Variants in ERC1 observed in about 807,000 individuals in gnomAD.
ERC1 encodes the protein RAB6 interacting protein 2.
In ERC1, 56 loss-of-function variants were observed where a neutral mutation model predicts 132.0. That is an observed-to-expected ratio of 0.42 (90% CI 0.34 to 0.53). The LOEUF (loss-of-function observed/expected upper bound fraction) is 0.53. Ranked by LOEUF, ERC1 falls within the 20% of genes least tolerant of loss-of-function variation. The pLI, the probability that ERC1 is intolerant of heterozygous loss-of-function variation, is 0.03. For missense variants in ERC1, 1,202 were observed against 1,349.9 expected, an observed-to-expected ratio of 0.89 and a Z score of 1.72; for synonymous variants, 478 against 476.1, an observed-to-expected ratio of 1.00 and a Z score of -0.05.
At chr12:1,155,507 G>A (rs1219345649) in intron 8 of ERC1, among the ~76,000 whole-genome samples, 2 of 150,888 alleles carry the variant, frequency 1.3e-5, no homozygotes, top group African/African-American at 2.4e-5. Context: ...ACGGAGTCTC[G>A]CTCTGTCGCC....
chr12:1,049,816 G>A (rs1411456091), intron 2 of ERC1, among the ~76,000 whole-genome samples: 2 of 144,212 alleles, frequency 1.4e-5, no homozygotes, highest in Non-Finnish European at 3.0e-5. Context: ...GCAATGGTAC[G>A]ATCTCAGCTC....
rs887206723 is a variant in ERC1 at position 1,046,837 on chromosome 12, G to A, written c.669+18265G>A. ...GCAGAGGCAGCCTTCTGCCTAGATG[G>A]TGCCACTCCACGGTACATGCTTCAT... On this transcript the variant is annotated intron_variant, in intron 2 of 18. Coordinates refer to ENST00000360905, the MANE Select transcript of ERC1 (RefSeq NM_178040.4). Among the ~76,000 whole-genome samples, 13 of 152,146 alleles carry A rather than the reference G, an allele frequency of 8.5e-5. No individual in the cohort carries two copies. The East Asian group carries it at 2.3e-3, about 27-fold the overall frequency.
At chr12:1,483,668 CTTTTTT>C (rs35596394) in intron 18 of ERC1, among the ~76,000 whole-genome samples, 1 of 55,218 alleles carries the variant, frequency 1.8e-5, no homozygotes, top group Non-Finnish European at 3.6e-5. Flanking sequence ...CCACTGAGAG[CTTTTTT>C]TTTTTTTTTT....
In ERC1 at chr12:1,167,874, A is replaced by G. The variant is rs1177745946; in HGVS notation, c.1738-12666A>G. 2.7e-5 allele frequency among the ~76,000 whole-genome samples: 4 copies of G among 150,802 alleles called. No individual in the cohort carries two copies. The South Asian group carries it at 6.3e-4, about 24-fold the overall frequency. On this transcript the variant is annotated intron_variant, in intron 8 of 18. Transcript: ENST00000360905. The stretch of plus-strand genomic sequence containing the variant: ...CGGGACTACAGGCGCGCGCCACCAC[A>G]CCCTGCTAATTTTTTATTTTTACTG...
chr12:1,424,977 G>T (rs991555004), intron 17 of ERC1, among the ~76,000 whole-genome samples: 1 of 152,162 alleles, frequency 6.6e-6, no homozygotes, highest in African/African-American at 2.4e-5. Context: ...TGTCAGAGTG[G>T]CTTGAGACCT....
chr12:1,336,362 T>C (rs2083312075), intron 15 of ERC1, among the ~76,000 whole-genome samples: 1 of 152,140 alleles, frequency 6.6e-6, no homozygotes, highest in South Asian at 2.1e-4. Context: ...TTGAGATCTT[T>C]CTAACTCTTT....
At chr12:1,081,353 T>TA (rs1942169806) in intron 2 of ERC1, among the ~76,000 whole-genome samples, 1 of 152,254 alleles carries the variant, frequency 6.6e-6, no homozygotes, top group East Asian at 1.9e-4. Flanking sequence ...CCCATGTTGT[T>TA]ACCGTCCCCT....
rs142603229 is a variant in ERC1, at chr12:1,051,501, G to A, written c.669+22929G>A. On this transcript the variant is annotated intron_variant, in intron 2 of 18. Coordinates refer to ENST00000360905, the MANE Select transcript of ERC1 (RefSeq NM_178040.4). Reference sequence around the variant, plus strand: ...GGCGAGGAGTTTGAGACCAGCAAGGGCTACATAGCAAGGCCTCGTCTCTAC... The same window carrying A: ...GGCGAGGAGTTTGAGACCAGCAAGGACTACATAGCAAGGCCTCGTCTCTAC... Among the ~76,000 whole-genome samples, 871 of 148,594 alleles carry A rather than the reference G, an allele frequency of 5.9e-3. 1 individual carries two copies. The highest frequency in any genetic ancestry group is 0.014 in the Middle Eastern group (4 of 284).
At chr12:1,433,072 A>G (rs964605773) in intron 17 of ERC1, among the ~76,000 whole-genome samples, 2 of 152,182 alleles carry the variant, frequency 1.3e-5, no homozygotes, top group African/African-American at 4.8e-5. Flanking sequence ...CATCCAGTGT[A>G]GTACTGTAAG....
At chr12:1,004,401 C>CTTTTTTTTTTTTTTTTTT (rs71055118) in intron 1 of ERC1, among the ~76,000 whole-genome samples, 22 of 95,028 alleles carry the variant, frequency 2.3e-4, no homozygotes, top group South Asian at 3.9e-4. Flanking sequence ...TTTTCTTTCT[C>CTTTTTTTTTTTTTTTTTT]TTTTTTTTTT....
chr12:1,079,042 G>A (rs896630040), intron 2 of ERC1, among the ~76,000 whole-genome samples: 2 of 151,706 alleles, frequency 1.3e-5, no homozygotes, highest in East Asian at 1.9e-4. Context: ...GAAATGATTT[G>A]TAATATGACA....
intron 3 of ERC1, among the ~76,000 whole-genome samples, chr12:1,101,739 G>A (rs930085480): frequency 6.6e-6 from 1 of 152,130 alleles, no homozygotes; most frequent in Non-Finnish European, 1.5e-5. Flanking sequence ...TGCCTGCCAC[G>A]GTGCGAGATA....
At chr12:1,445,375 G>A (rs577748584) in intron 18 of ERC1, among the ~76,000 whole-genome samples, 8 of 151,992 alleles carry the variant, frequency 5.3e-5, no homozygotes, top group Admixed American at 2.6e-4. Flanking sequence ...GACTACAGGC[G>A]CGTGCCAACA....
At chr12:1,440,443 T>C (rs1468349474) in intron 17 of ERC1, among the ~76,000 whole-genome samples, 1 of 150,756 alleles carries the variant, frequency 6.6e-6, no homozygotes, top group Non-Finnish European at 1.5e-5. Context: ...CCTGACCTCG[T>C]GATCTGCCCT....
intron 17 of ERC1, among the ~76,000 whole-genome samples, chr12:1,409,447 T>C (rs956816184): frequency 1.3e-5 from 2 of 151,920 alleles, no homozygotes; most frequent in South Asian, 2.1e-4. Flanking sequence ...CAGAGAAAGG[T>C]TGAAGGAAAA....
At chr12:1,033,140 C>T (rs1219743700) in intron 2 of ERC1, among the ~76,000 whole-genome samples, 1 of 151,698 alleles carries the variant, frequency 6.6e-6, no homozygotes, top group African/African-American at 2.4e-5. Flanking sequence ...GGGTTAATGC[C>T]ATTCTCCTGC....
chr12:1,478,077 A>G (rs2094009434), intron 18 of ERC1, among the ~76,000 whole-genome samples: 1 of 152,228 alleles, frequency 6.6e-6, no homozygotes, highest in African/African-American at 2.4e-5. Flanking sequence ...ACATGTACCT[A>G]CAAGTCCACT....
At chr12:1,442,079 C>T (rs2093170958) in intron 17 of ERC1, among the ~76,000 whole-genome samples, 1 of 152,150 alleles carries the variant, frequency 6.6e-6, no homozygotes, top group Non-Finnish European at 1.5e-5. Context: ...AGGCGCACGC[C>T]ACCATGCCCG....
chr12:1,110,210 A>C lies in ERC1; in HGVS notation c.1180A>C (p.Met394Leu). The C allele has an allele frequency of 6.2e-7, 1 of 1,611,818 alleles. No individual in the cohort carries two copies. The highest frequency in any genetic ancestry group is 8.5e-7 in the Non-Finnish European group (1 of 1,179,234). The change falls in exon 5 of 19, where the codon ATG becomes CTG. Residue 394 changes from methionine (M) to leucine (L), a missense_variant. Coordinates refer to ENST00000360905, the MANE Select transcript of ERC1 (RefSeq NM_178040.4). Reference sequence around the variant, plus strand: ...TCTTCAGGATTCAAAAATTTCCTCTATGGAGCGTGGGCTTCGAGACCTGGA... The same window carrying C: ...TCTTCAGGATTCAAAAATTTCCTCTCTGGAGCGTGGGCTTCGAGACCTGGA... ...IEMKDSKISS[M>L]ERGLRDLEEE...
Sources: allele counts gnomAD v4.1 joint callset (sites outside exome capture counted in the v4.1 genomes callset), GRCh38; gene constraint gnomAD v4.1.1; transcripts MANE v1.5; gene names NCBI Gene and HGNC (gene_info 2026-07-23, HGNC 2026-07-21).